Variants in PDZD2 observed in about 807,000 individuals in gnomAD.
The protein encoded by PDZD2 is PDZ domain containing 2.
Under a neutral mutation model 220.7 loss-of-function variants are expected in PDZD2, and 90 were observed. That is an observed-to-expected ratio of 0.41 (90% confidence interval 0.34 to 0.49). PDZD2 has a LOEUF of 0.49. PDZD2 is among the 20% of genes least tolerant of loss of function. The pLI, the probability that PDZD2 is intolerant of heterozygous loss-of-function variation, is 0.28. For missense variants in PDZD2, 3,174 were observed against 3,608.5 expected (o/e 0.88, Z 3.08); for synonymous variants, 1,375 against 1,450.5 (o/e 0.95, Z 1.18).
At chr5:31,709,801 C>T (rs146411610) in intron 1 of PDZD2, among the ~76,000 whole-genome samples, 3,476 of 152,220 alleles carry the variant, frequency 0.023, 139 homozygotes, top group African/African-American at 0.078. Flanking sequence ...ACTAAAAATA[C>T]ACACATTAAC....
intron 2 of PDZD2, chr5:31,848,115 C>T: frequency 3.2e-6 from 1 of 316,142 alleles, no homozygotes; most frequent in Non-Finnish European, 6.1e-6. Flanking sequence ...CAAAAGTAGG[C>T]AAGCTTCCTC....
At chr5:31,875,983 A>G (rs1414735739) in intron 2 of PDZD2, among the ~76,000 whole-genome samples, 2 of 152,084 alleles carry the variant, frequency 1.3e-5, no homozygotes, top group African/African-American at 4.8e-5. Context: ...ATATTTTTCA[A>G]GTTTCCTAAA....
In PDZD2 at chr5:31,979,213, G is replaced by A. The variant is rs985788938; in HGVS notation, c.477-3942G>A. ...GCAATTTTAAATGAATTTTGTCTCC[G>A]AGCTAAATCTTTTTCAGGATGATCG... On this transcript the variant is annotated intron_variant, in intron 2 of 24. Transcript: ENST00000438447. Among the ~76,000 whole-genome samples, 10 of 152,228 alleles carry A rather than the reference G, an allele frequency of 6.6e-5. No homozygotes were observed. In the East Asian group the frequency reaches 1.4e-3, roughly 21 times the overall value.
chr5:31,654,059 C>T (rs761927704), intron 1 of PDZD2, among the ~76,000 whole-genome samples: 10 of 152,200 alleles, frequency 6.6e-5, no homozygotes, highest in Admixed American at 2.0e-4. Flanking sequence ...GCTGGGATTA[C>T]AGGCGTGGGC....
At chr5:32,084,181 G>A (rs911683356) in intron 19 of PDZD2, among the ~76,000 whole-genome samples, 1 of 152,228 alleles carries the variant, frequency 6.6e-6, no homozygotes, top group Admixed American at 6.5e-5. Context: ...TCCACAGTGG[G>A]CCTGGAAAGC....
intron 3 of PDZD2, among the ~76,000 whole-genome samples, chr5:31,986,230 T>TA (rs1359773390): frequency 6.6e-6 from 1 of 152,184 alleles, no homozygotes; most frequent in Non-Finnish European, 1.5e-5. Context: ...CCATTGCCTT[T>TA]AGGGCATTTT....
At position 31,641,155 on chromosome 5, in the gene PDZD2, G is replaced by T. The variant is rs149767170; in HGVS notation, c.-361+1718G>T. On this transcript the variant is annotated intron_variant, in intron 1 of 24. Coordinates refer to ENST00000438447, the MANE Select transcript of PDZD2 (RefSeq NM_178140.4). Reference sequence around the variant, plus strand: ...GCTTCGAGGTTCCAGGATATGCTTAGATGAAAGATGCTCCCTCGCTGCTGT... The same window carrying T: ...GCTTCGAGGTTCCAGGATATGCTTATATGAAAGATGCTCCCTCGCTGCTGT... Among the ~76,000 whole-genome samples, 677 of 152,290 alleles carry T rather than the reference G, an allele frequency of 4.4e-3. 6 individuals are homozygous for T. Among genetic ancestry groups the T allele is most frequent in the African/African-American group, 0.016 (652 of 41,554 alleles).
At chr5:31,873,588 C>G (rs892692862) in intron 2 of PDZD2, among the ~76,000 whole-genome samples, 1 of 143,356 alleles carries the variant, frequency 7.0e-6, no homozygotes, top group African/African-American at 2.5e-5. Context: ...TTTAATAAAG[C>G]CAGGGTCTTG....
chr5:31,776,208 C>T (rs1280374289), intron 1 of PDZD2, among the ~76,000 whole-genome samples: 2 of 152,180 alleles, frequency 1.3e-5, no homozygotes, highest in Non-Finnish European at 2.9e-5. Flanking sequence ...TCTTCTCTAT[C>T]CCCTTCCCCA....
At chr5:32,101,018 C>A (rs758214589) in intron 23 of PDZD2, 87 bp from the exon 24 acceptor site, 9 of 1,592,634 alleles carry the variant, frequency 5.7e-6, no homozygotes, top group Non-Finnish European at 6.9e-6. Context: ...GTACATGGGG[C>A]TGGAGGCGAT....
chr5:31,921,699 A>AT (rs1361891863), intron 2 of PDZD2, among the ~76,000 whole-genome samples: 6 of 150,742 alleles, frequency 4.0e-5, no homozygotes, highest in Non-Finnish European at 5.9e-5. Flanking sequence ...CAAAAAAAAA[A>AT]TTTTTTTTTT....
intron 2 of PDZD2, among the ~76,000 whole-genome samples, chr5:31,974,920 CAAT>C (rs1428323632): frequency 1.3e-5 from 2 of 152,054 alleles, no homozygotes; most frequent in Non-Finnish European, 2.9e-5. Context: ...CAGAAACAAA[CAAT>C]AAACTATGTA....
chr5:31,812,104 T>A (rs1310991743), intron 2 of PDZD2, among the ~76,000 whole-genome samples: 1 of 152,158 alleles, frequency 6.6e-6, no homozygotes, highest in Non-Finnish European at 1.5e-5. Context: ...TTTCCCTGAC[T>A]CAAGGGTTTT....
At chr5:31,992,557 T>G (rs1751302536) in intron 3 of PDZD2, among the ~76,000 whole-genome samples, 1 of 152,204 alleles carries the variant, frequency 6.6e-6, no homozygotes, top group Non-Finnish European at 1.5e-5. Flanking sequence ...TACCTAGTAT[T>G]GTCACATCCT....
Position 31,869,508 on chromosome 5 carries a change from G to A in PDZD2, c.476+69784G>A, listed in dbSNP as rs188144582. ...GAACCTGGGAGGCGGAGGTTGCAGTGAGCCAAGATCACGCCACTGCACTCC... is the reference window on the plus strand; with the variant it reads ...GAACCTGGGAGGCGGAGGTTGCAGTAAGCCAAGATCACGCCACTGCACTCC... On this transcript the variant is annotated intron_variant, in intron 2 of 24. Transcript: ENST00000438447. Among the ~76,000 whole-genome samples, 22 of 152,134 alleles carry A rather than the reference G, an allele frequency of 1.4e-4. 1 individual carries two copies. Among genetic ancestry groups the A allele is most frequent in the African/African-American group, 4.8e-4 (20 of 41,492 alleles).
Position 32,108,916 on chromosome 5 carries a change from T to C in PDZD2, c.*781T>C, listed in dbSNP as rs1745083077. ...TAAGCTGTATTAAATAGCCATGAGC[T>C]TCACTGCTTAGAGGGAGCAGAAAGG... is the stretch of plus-strand genomic sequence containing the variant. On this transcript the variant is annotated 3_prime_UTR_variant, in exon 25 of 25. Transcript: ENST00000438447. 6.6e-6 allele frequency: 1 copy of C among 152,644 alleles called. No individual in the cohort carries two copies. Among genetic ancestry groups the C allele is most frequent in the Non-Finnish European group, 1.5e-5 (1 of 68,038 alleles). 9.5% of individuals were successfully genotyped at this position (152,644 alleles called of 1,614,324 possible).
chr5:31,714,417 A>G (rs1207747728), intron 1 of PDZD2, among the ~76,000 whole-genome samples: 1 of 152,248 alleles, frequency 6.6e-6, no homozygotes, highest in East Asian at 1.9e-4. Flanking sequence ...ATTCTGGTAG[A>G]TGGATGGGGG....
chr5:31,972,280 A>G (rs1360509426), intron 2 of PDZD2, among the ~76,000 whole-genome samples: 1 of 151,976 alleles, frequency 6.6e-6, no homozygotes. Context: ...CACCTGCCTA[A>G]TTTTTGTATT....
chr5:31,838,578 G>A (rs942437641), intron 2 of PDZD2, among the ~76,000 whole-genome samples: 18 of 152,176 alleles, frequency 1.2e-4, no homozygotes, highest in Non-Finnish European at 2.5e-4. Flanking sequence ...TTCAAAAGCT[G>A]ATCTGGAGGC....
Sources: gnomAD v4.1 joint callset for allele counts (sites outside exome capture counted in the v4.1 genomes callset) on GRCh38, gnomAD v4.1.1 for gene constraint, MANE v1.5 for transcripts, NCBI Gene and HGNC (gene_info 2026-07-23, HGNC 2026-07-21) for gene names.